STOX2: variants seen among roughly 807,000 people sequenced by gnomAD.
STOX2 encodes the protein storkhead box 2, also known as storkhead-box protein 2.
STOX2 carries 28 observed loss-of-function variants against 60.9 expected under a neutral mutation model. The ratio of observed to expected loss-of-function variants is 0.46; its 90% CI spans 0.34 to 0.63. STOX2 has a LOEUF of 0.63. STOX2 is among the 30% of genes least tolerant of loss of function. STOX2 has a pLI of 0.01. For missense variants in STOX2, 1,024 were observed against 1,187.7 expected (o/e 0.86, Z 2.03); for synonymous variants, 472 against 463.9 (o/e 1.02, Z -0.22).
At chr4:183,862,916 G>C (rs911580947) in intron 1 of STOX2, among the ~76,000 whole-genome samples, 1 of 152,072 alleles carries the variant, frequency 6.6e-6, no homozygotes, top group South Asian at 2.1e-4. Context: ...GGTTATTTCC[G>C]GTCAGACAGG....
intron 1 of STOX2, among the ~76,000 whole-genome samples, chr4:183,928,886 C>G (rs1049788583): frequency 1.3e-5 from 2 of 151,738 alleles, no homozygotes; most frequent in Non-Finnish European, 2.9e-5. Flanking sequence ...ACCAACCCAC[C>G]ACAGCTGCTG....
intron 1 of STOX2, among the ~76,000 whole-genome samples, chr4:183,921,795 T>C (rs1742105984): frequency 6.6e-6 from 1 of 152,212 alleles, no homozygotes; most frequent in Admixed American, 6.5e-5. Context: ...AAAAATGATA[T>C]CTTTTATTAA....
intron 1 of STOX2, among the ~76,000 whole-genome samples, chr4:183,973,467 T>G (rs1226041006): frequency 2.6e-5 from 4 of 152,128 alleles, no homozygotes. Flanking sequence ...AAGGCCAAAG[T>G]AAAGTGGAAC....
chr4:183,972,833 T>C (rs944726308), intron 1 of STOX2, among the ~76,000 whole-genome samples: 1 of 150,964 alleles, frequency 6.6e-6, no homozygotes, highest in African/African-American at 2.5e-5. Flanking sequence ...GTCACAGATG[T>C]TGGAATTATC....
intron 1 of STOX2, among the ~76,000 whole-genome samples, chr4:183,949,602 G>T (rs1743008949): frequency 6.6e-6 from 1 of 152,156 alleles, no homozygotes; most frequent in Non-Finnish European, 1.5e-5. Context: ...GGAGGCTGAG[G>T]CAGGAGAATC....
At chr4:183,911,393 C>T (rs1449868470) in intron 1 of STOX2, among the ~76,000 whole-genome samples, 3 of 152,150 alleles carry the variant, frequency 2.0e-5, no homozygotes, top group Non-Finnish European at 2.9e-5. Context: ...ACGTCCCTTT[C>T]CCTCTTTGCC....
chr4:183,916,040 G>A (rs1446653526), intron 1 of STOX2, among the ~76,000 whole-genome samples: 5 of 152,258 alleles, frequency 3.3e-5, no homozygotes, highest in Admixed American at 6.5e-5. Context: ...TACATGGAGG[G>A]CAGGGGCCAG....
intron 1 of STOX2, among the ~76,000 whole-genome samples, chr4:183,875,456 G>A (rs1355029813): frequency 6.6e-6 from 1 of 152,114 alleles, no homozygotes; most frequent in Non-Finnish European, 1.5e-5. Flanking sequence ...TGCCCCAGGC[G>A]AAGCCTCCCA....
At chr4:183,912,870 T>C (rs1741820813) in intron 1 of STOX2, among the ~76,000 whole-genome samples, 1 of 152,224 alleles carries the variant, frequency 6.6e-6, no homozygotes, top group Admixed American at 6.5e-5. Flanking sequence ...AGTCACCTTT[T>C]TGTAACTGCA....
intron 1 of STOX2, among the ~76,000 whole-genome samples, chr4:183,895,095 G>C (rs924855458): frequency 2.6e-5 from 4 of 152,184 alleles, no homozygotes; most frequent in African/African-American, 9.7e-5. Flanking sequence ...TACAATCGCG[G>C]ACTAGGATGT....
chr4:183,864,155 T>A (rs1398478880), intron 1 of STOX2, among the ~76,000 whole-genome samples: 1 of 152,114 alleles, frequency 6.6e-6, no homozygotes, highest in Non-Finnish European at 1.5e-5. Flanking sequence ...AATACAGAGG[T>A]AAACGAGGCT....
At chr4:183,817,591 A>G (rs540632211) in intron 1 of STOX2, among the ~76,000 whole-genome samples, 10 of 152,364 alleles carry the variant, frequency 6.6e-5, no homozygotes, top group African/African-American at 2.4e-4. Context: ...TAGTTCATGC[A>G]TTTATAAACA....
chr4:183,976,781 A>G (rs1432616763), intron 1 of STOX2, among the ~76,000 whole-genome samples: 4 of 152,198 alleles, frequency 2.6e-5, no homozygotes, highest in African/African-American at 9.7e-5. Flanking sequence ...TCCCTTTAAG[A>G]CTGGAAACAG....
At chr4:183,919,160 C>A (rs1038022643) in intron 1 of STOX2, among the ~76,000 whole-genome samples, 1 of 152,154 alleles carries the variant, frequency 6.6e-6, no homozygotes, top group African/African-American at 2.4e-5. Flanking sequence ...GCATGCAGAT[C>A]TTGTTTTTCC....
Position 183,825,727 on chromosome 4 carries a change from G to T in STOX2, c.364+27672G>T, listed in dbSNP as rs1367616187. On this transcript the variant is annotated intron_variant, in intron 1 of 2. Coordinates refer to the STOX2 transcript ENST00000513034. This position sits in a 1 kb window ranked among gnomAD's most constrained non-coding sequence, Gnocchi z 4.1. ...TAGACCTAGTGGAGCAGGAGTCAGG[G>T]TCAGCGAGGTGGCTGGGGCTGGACT... is the stretch of plus-strand genomic sequence containing the variant. 1.3e-5 allele frequency among the ~76,000 whole-genome samples: 2 copies of T among 148,696 alleles called. No homozygotes were observed. Among genetic ancestry groups the T allele is most frequent in the African/African-American group, 2.6e-5 (1 of 38,124 alleles).
intron 1 of STOX2, among the ~76,000 whole-genome samples, chr4:183,970,673 T>A (rs1475919065): frequency 6.6e-6 from 1 of 152,228 alleles, no homozygotes; most frequent in Non-Finnish European, 1.5e-5. Flanking sequence ...CACCTTCTTC[T>A]CTGTCCCCAC....
In STOX2 at chr4:183,961,181, G is replaced by T. The variant is rs143454571; in HGVS notation, c.167-40144G>T. Among the ~76,000 whole-genome samples the T allele has an allele frequency of 1.6e-3, 244 of 152,252 alleles. 2 individuals are homozygous for T. The Middle Eastern group carries it at 0.017, about 11-fold the overall frequency. On this transcript the variant is annotated intron_variant, in intron 1 of 3. Transcript: ENST00000308497. ...GGGACACATACCATAGTTGAGTTGG[G>T]CTATCTGGTTCATCGTGTCACAAAT... is the stretch of plus-strand genomic sequence containing the variant.
chr4:183,798,648 C>T, intron 1 of STOX2: 6 of 985,388 alleles, frequency 6.1e-6, no homozygotes, highest in Non-Finnish European at 7.2e-6. Flanking sequence ...TGCAGCACAT[C>T]TCTCAAGTCG....
At chr4:183,926,453 C>A (rs1384821028) in intron 1 of STOX2, among the ~76,000 whole-genome samples, 1 of 152,156 alleles carries the variant, frequency 6.6e-6, no homozygotes, top group Non-Finnish European at 1.5e-5. Flanking sequence ...ACCCAATTCT[C>A]TGAGGTTGGT....
Sources: allele counts gnomAD v4.1 joint callset (sites outside exome capture counted in the v4.1 genomes callset), GRCh38; gene constraint gnomAD v4.1.1; non-coding constraint Gnocchi (gnomAD v3.1); transcripts MANE v1.5; gene names NCBI Gene and HGNC (gene_info 2026-07-23, HGNC 2026-07-21).